The following GPR35 variants were observed in gnomAD, a reference collection of about 807,000 sequenced individuals.
GPR35 encodes KYNA receptor.
For missense variants in GPR35, 372 were observed against 422.5 expected, an observed-to-expected ratio of 0.88 and a Z score of 1.05; for synonymous variants, 207 against 198.4, an observed-to-expected ratio of 1.04 and a Z score of -0.36.
chr2:240,620,664 C>T (rs999392474), upstream of GPR35, among the ~76,000 whole-genome samples: 11 of 152,110 alleles, frequency 7.2e-5, no homozygotes, highest in Non-Finnish European at 1.6e-4. Context: ...GCTGTGGGGA[C>T]CCCCTGTGGG....
chr2:240,614,033 T>A (rs2125477109), intron 2 of GPR35, among the ~76,000 whole-genome samples: 1 of 149,802 alleles, frequency 6.7e-6, no homozygotes, highest in Non-Finnish European at 1.5e-5. Flanking sequence ...TAATTAACAA[T>A]GCCTCATGTG....
chr2:240,613,630 C>T (rs774477576), intron 2 of GPR35, among the ~76,000 whole-genome samples: 5 of 152,074 alleles, frequency 3.3e-5, no homozygotes, highest in East Asian at 1.9e-4. Flanking sequence ...CAAACCCTAA[C>T]GAAAACTCTA....
exon 4 of GPR35, chr2:240,617,381 T>G (rs1212104344): frequency 1.6e-6 from 1 of 630,610 alleles, no homozygotes; most frequent in Non-Finnish European, 2.9e-6. Context: ...GTTTTAATCT[T>G]CTCATTTTAG....
chr2:240,630,525 C>G lies in GPR35; in HGVS notation c.573C>G (p.Ser191=), dbSNP rs771528328. 1.9e-6 allele frequency: 3 copies of G among 1,612,810 alleles called. No individual in the cohort carries two copies. The Admixed American group carries it at 5.0e-5, about 27-fold the overall frequency. Residue 191 remains serine (S), a synonymous_variant, in exon 2 of 2, where the codon TCC becomes TCG. Transcript: ENST00000407714. ...YLPLAVVVFC[S]LKVVTALAQR... Reference sequence around the variant, plus strand: ...CCCTGGCCGTGGTGGTCTTCTGCTCCCTGAAGGTGGTGACTGCCCTGGCCC... The same window carrying G: ...CCCTGGCCGTGGTGGTCTTCTGCTCGCTGAAGGTGGTGACTGCCCTGGCCC...
intron 2 of GPR35, among the ~76,000 whole-genome samples, chr2:240,615,117 T>TTG (rs559176515): frequency 2.1e-4 from 31 of 149,118 alleles, no homozygotes; most frequent in East Asian, 7.8e-4. Flanking sequence ...ATGCCTGTGC[T>TTG]TGTGTGTGTG....
At chr2:240,607,578 T>G (rs552097340) in intron 2 of GPR35, 1 of 152,348 alleles carries the variant, frequency 6.6e-6, no homozygotes, top group East Asian at 1.9e-4. Flanking sequence ...CTAGGTACTT[T>G]GTTTTCCAAT....
chr2:240,606,989 G>A (rs2043141300), intron 2 of GPR35, among the ~76,000 whole-genome samples: 1 of 152,100 alleles, frequency 6.6e-6, no homozygotes, highest in Admixed American at 6.5e-5. Context: ...CATTAAGGTG[G>A]TGTCCTGGGT....
intron 2 of GPR35, chr2:240,607,138 A>G (rs927318688): frequency 1.3e-5 from 2 of 152,108 alleles, no homozygotes; most frequent in Non-Finnish European, 2.9e-5. Flanking sequence ...ATTTCAATCT[A>G]TGAACGTGGT....
At chr2:240,621,542 T>C (rs1195875627), upstream of GPR35, among the ~76,000 whole-genome samples, 4 of 152,260 alleles carry the variant, frequency 2.6e-5, no homozygotes, top group African/African-American at 7.2e-5. Flanking sequence ...TGTGAGCCAC[T>C]GCACCCAGCC....
upstream of GPR35, among the ~76,000 whole-genome samples, chr2:240,625,057 G>A (rs899461994): frequency 3.3e-5 from 5 of 152,296 alleles, no homozygotes; most frequent in South Asian, 6.2e-4. Context: ...ATGAGTGTGC[G>A]TGCTGCACCC....
chr2:240,628,375 A>G (rs1328466222), intron 1 of GPR35: 1 of 152,270 alleles, frequency 6.6e-6, no homozygotes, highest in Non-Finnish European at 1.5e-5. Flanking sequence ...AGGACCCTCA[A>G]GAAGGGAGGA....
intron 2 of GPR35, among the ~76,000 whole-genome samples, chr2:240,612,796 A>T (rs2043196529): frequency 6.6e-6 from 1 of 152,236 alleles, no homozygotes; most frequent in Non-Finnish European, 1.5e-5. Flanking sequence ...GGGGAAGGGC[A>T]GGTCTGGGGA....
chr2:240,630,668 T>G lies in GPR35; in HGVS notation c.716T>G (p.Val239Gly). 6.2e-7 allele frequency: 1 copy of G among 1,613,274 alleles called. No homozygotes were observed. The highest frequency in any genetic ancestry group is 8.5e-7 in the Non-Finnish European group (1 of 1,180,016). The stretch of plus-strand genomic sequence containing the variant: ...CTGCCCCTGCACGTGGGGCTGACAG[T>G]GCGCCTCGCAGTGGGCTGGAACGCC... ...CFLPLHVGLT[V>G]RLAVGWNACA... Residue 239 changes from valine to glycine, a missense_variant, in exon 2 of 2, where the codon GTG (valine) becomes GGG (glycine). Transcript: ENST00000407714.
At chr2:240,612,413 C>A (rs575774958) in intron 2 of GPR35, among the ~76,000 whole-genome samples, 1 of 104,832 alleles carries the variant, frequency 9.5e-6, no homozygotes, top group African/African-American at 4.0e-5. Flanking sequence ...GGCGACAGAG[C>A]GAGACTCTGT....
intron 2 of GPR35, chr2:240,606,642 T>TGTCTGAGTCAGGTGAGAGTGGCAGGTG (rs1559431396): frequency 3.9e-5 from 6 of 152,190 alleles, no homozygotes; most frequent in Non-Finnish European, 7.3e-5. Context: ...AGGGGGTTCA[T>TGTCTGAGTCAGGTGAGAGTGGCAGGTG]AGAAGAACAG....
At chr2:240,616,604 G>A in intron 3 of GPR35, 1 of 698,100 alleles carries the variant, frequency 1.4e-6, no homozygotes, top group Non-Finnish European at 2.6e-6. Flanking sequence ...TCTTTGTGAG[G>A]CCAGCAGCCA....
Position 240,631,948 on chromosome 2 carries a change from C to T in GPR35, c.*1066C>T, listed in dbSNP as rs11682492. On this transcript the variant is annotated 3_prime_UTR_variant, in exon 2 of 2. Transcript: ENST00000407714. ...CTGGCAGGGACATGGCACAAGCATG[C>T]GGCTGATGGCATCTCACAGGACCCA... Among the ~76,000 whole-genome samples, 25,934 of 146,366 alleles carry T rather than the reference C, an allele frequency of 0.18. 2,766 individuals are homozygous for T. The highest frequency in any genetic ancestry group is 0.34 in the East Asian group (1,656 of 4,844).
chr2:240,613,614 C>T (rs927270696), intron 2 of GPR35, among the ~76,000 whole-genome samples: 4 of 152,110 alleles, frequency 2.6e-5, no homozygotes, highest in Non-Finnish European at 5.9e-5. Flanking sequence ...GAACCTAACT[C>T]GAACCCAAAC....
chr2:240,624,353 C>T (rs114603566), upstream of GPR35, among the ~76,000 whole-genome samples: 786 of 152,210 alleles, frequency 5.2e-3, 4 homozygotes, highest in African/African-American at 0.017. Context: ...GAGGGACAGC[C>T]GGGGAAGCAG....
Sources: allele counts gnomAD v4.1 joint callset (sites outside exome capture counted in the v4.1 genomes callset), GRCh38; gene constraint gnomAD v4.1.1; transcripts MANE v1.5; gene names NCBI Gene and HGNC (gene_info 2026-07-23, HGNC 2026-07-21).